Variants in LMO2 observed in about 807,000 individuals in gnomAD.
LMO2 encodes LIM domain only 2, also known as rhombotin-2.
In LMO2, 20 loss-of-function variants were observed where a neutral mutation model predicts 23.2. That is an observed-to-expected ratio of 0.86 (90% CI 0.61 to 1.25). LMO2 has a LOEUF of 1.25. LMO2 is among the 50% of genes most tolerant of loss of function. The pLI, the probability that LMO2 is intolerant of heterozygous loss-of-function variation, is 0.00. For synonymous variants in LMO2, 123 were observed against 130.2 expected, an observed-to-expected ratio of 0.94 and a Z score of 0.38; for missense variants, 270 against 315.3, an observed-to-expected ratio of 0.86 and a Z score of 1.09.
Position 33,869,789 on chromosome 11 carries a change from G to A in LMO2, c.-73C>T. On this transcript the variant is annotated 5_prime_UTR_variant, in exon 3 of 6. Coordinates refer to ENST00000257818, the MANE Select transcript of LMO2 (RefSeq NM_005574.4). ...CGGCTCCGCGCCGCCCGCGGGGATG[G>A]TGTGCGCCCGCCCGGCCGCCCGGAG... 8.8e-7 allele frequency: 1 copy of A among 1,142,792 alleles called. No homozygotes were observed. The highest frequency in any genetic ancestry group is 1.1e-6 in the Non-Finnish European group (1 of 932,564). 70.8% of individuals were successfully genotyped at this position (1,142,792 alleles called of 1,614,324 possible).
At chr11:33,890,780 T>G (rs1169284648) in intron 1 of LMO2, among the ~76,000 whole-genome samples, 1 of 152,180 alleles carries the variant, frequency 6.6e-6, no homozygotes, top group Non-Finnish European at 1.5e-5. Context: ...AGCACTTCCA[T>G]GATTTATTTC....
At chr11:33,885,782 T>G (rs1857392081) in intron 1 of LMO2, among the ~76,000 whole-genome samples, 1 of 151,930 alleles carries the variant, frequency 6.6e-6, no homozygotes, top group East Asian at 1.9e-4. Flanking sequence ...CCTTGGTAGA[T>G]GATGTGGGTA....
chr11:33,890,236 A>T (rs1190318342), intron 1 of LMO2, among the ~76,000 whole-genome samples: 1 of 152,216 alleles, frequency 6.6e-6, no homozygotes. Flanking sequence ...CTGGTGATAG[A>T]TACCAATAGA....
intron 2 of LMO2, among the ~76,000 whole-genome samples, chr11:33,878,160 A>G (rs1857181564): frequency 2.2e-5 from 1 of 46,120 alleles, no homozygotes; most frequent in South Asian, 9.8e-4. Flanking sequence ...GGTCGAGACC[A>G]AATTTCCCAT....
chr11:33,866,960 A>C (rs1856809740), intron 4 of LMO2, among the ~76,000 whole-genome samples: 1 of 152,156 alleles, frequency 6.6e-6, no homozygotes, highest in African/African-American at 2.4e-5. Flanking sequence ...TCAGAGTTGC[A>C]TCTCTTCTCT....
rs75897392 is a variant in LMO2, at chr11:33,858,763, G to A, written c.*593C>T. On this transcript the variant is annotated 3_prime_UTR_variant, in exon 6 of 6. Transcript: ENST00000257818. The stretch of plus-strand genomic sequence containing the variant: ...CTAAAAACAGTGATTCATCAGCATT[G>A]CTTTAAATAATTGTTTGGTTAAAAG... 2.1e-3 allele frequency: 462 copies of A among 216,742 alleles called. 3 individuals are homozygous for A. The highest frequency in any genetic ancestry group is 9.5e-3 in the African/African-American group (422 of 44,496). The allele number at this position is 216,742 out of a possible 1,614,324, so 13.4% of individuals were successfully genotyped here. A position where few individuals can be genotyped will look rare whatever the true frequency, so the allele number is the denominator to read the frequency against.
chr11:33,874,862 C>T (rs2133705047), intron 2 of LMO2, among the ~76,000 whole-genome samples: 1 of 152,358 alleles, frequency 6.6e-6, no homozygotes, highest in South Asian at 2.1e-4. Flanking sequence ...TTTCAAACCA[C>T]CATTTATAAT....
intron 2 of LMO2, among the ~76,000 whole-genome samples, chr11:33,871,288 C>A (rs776023192): frequency 6.0e-5 from 9 of 150,528 alleles, no homozygotes; most frequent in East Asian, 1.9e-4. Flanking sequence ...GTGGAGACTT[C>A]AGTATACAAA....
intron 2 of LMO2, among the ~76,000 whole-genome samples, chr11:33,874,424 G>A (rs966886478): frequency 1.3e-5 from 2 of 152,174 alleles, no homozygotes; most frequent in African/African-American, 2.4e-5. Context: ...GAGGATGGAG[G>A]CAATCATAAT....
At chr11:33,883,754 A>G (rs1857339897) in intron 1 of LMO2, among the ~76,000 whole-genome samples, 1 of 152,214 alleles carries the variant, frequency 6.6e-6, no homozygotes, top group African/African-American at 2.4e-5. Flanking sequence ...TGAAGTAAGT[A>G]TTGTAATCAT....
chr11:33,868,450 A>G (rs1036565291), intron 4 of LMO2, among the ~76,000 whole-genome samples: 2 of 152,226 alleles, frequency 1.3e-5, no homozygotes, highest in African/African-American at 4.8e-5. Flanking sequence ...CCAGACAGCT[A>G]ATGACTCTTA....
At chr11:33,884,913 G>A (rs1857370904) in intron 1 of LMO2, among the ~76,000 whole-genome samples, 1 of 152,290 alleles carries the variant, frequency 6.6e-6, no homozygotes, top group East Asian at 1.9e-4. Context: ...GCTGTTTTTT[G>A]TGTTACGTGG....
At position 33,869,784 on chromosome 11, in the gene LMO2, G is replaced by A; in HGVS notation, c.-68C>T. The A allele has an allele frequency of 8.6e-7, 1 of 1,160,880 alleles. No individual in the cohort carries two copies. The highest frequency in any genetic ancestry group is 1.1e-6 in the Non-Finnish European group (1 of 943,694). 71.9% of individuals were successfully genotyped at this position (1,160,880 alleles called of 1,614,324 possible). On this transcript the variant is annotated 5_prime_UTR_variant, in exon 3 of 6. Transcript: ENST00000257818. ...GTCGCCGGCTCCGCGCCGCCCGCGG[G>A]GATGGTGTGCGCCCGCCCGGCCGCC...
intron 2 of LMO2, among the ~76,000 whole-genome samples, chr11:33,871,580 A>G (rs1168498973): frequency 5.3e-5 from 7 of 131,742 alleles, no homozygotes; most frequent in African/African-American, 2.0e-4. Flanking sequence ...AAAAAAAAAA[A>G]AAAAAAAAAG....
chr11:33,881,170 C>A (rs1468340504), intron 2 of LMO2: 1 of 456,788 alleles, frequency 2.2e-6, no homozygotes, highest in Non-Finnish European at 4.4e-6. Context: ...CAGGCCAGAG[C>A]CCCTTTCCAA....
chr11:33,883,210 C>T (rs1268082643), intron 1 of LMO2, among the ~76,000 whole-genome samples: 5 of 152,302 alleles, frequency 3.3e-5, no homozygotes, highest in South Asian at 2.1e-4. Flanking sequence ...ATGGTACCTA[C>T]GAAGTACTCA....
intron 1 of LMO2, among the ~76,000 whole-genome samples, chr11:33,890,430 C>T (rs1857517490): frequency 6.6e-6 from 1 of 152,206 alleles, no homozygotes; most frequent in Non-Finnish European, 1.5e-5. Context: ...TGGCTCACTG[C>T]AACCTCCGCC....
At chr11:33,869,671 C>T (rs1419386952) in intron 3 of LMO2, 39 bp downstream of exon 3, 3 of 1,264,798 alleles carry the variant, frequency 2.4e-6, no homozygotes, top group Non-Finnish European at 3.0e-6. Flanking sequence ...CAGCCTGGCT[C>T]CAGGCGGCTG....
chr11:33,880,019 A>G lies in LMO2; in HGVS notation c.-272+1805T>C, dbSNP rs1302063804. Among the ~76,000 whole-genome samples the G allele has an allele frequency of 6.6e-6, 1 of 152,148 alleles. No homozygotes were observed. The highest frequency in any genetic ancestry group is 2.4e-5 in the African/African-American group (1 of 41,452). On this transcript the variant is annotated intron_variant, in intron 2 of 5. Transcript: ENST00000257818. This position sits in a 1 kb window ranked among gnomAD's most constrained non-coding sequence, Gnocchi z 4.3. ...ACATAAACCCAAAAGAATTGAAAAC[A>G]GCAACTCAAACAAATATTTGTACAC...
Sources: allele counts gnomAD v4.1 joint callset (sites outside exome capture counted in the v4.1 genomes callset), GRCh38; gene constraint gnomAD v4.1.1; non-coding constraint Gnocchi (gnomAD v3.1); transcripts MANE v1.5; gene names NCBI Gene and HGNC (gene_info 2026-07-23, HGNC 2026-07-21).